Variants in LUC7L2 observed in about 807,000 individuals in gnomAD.
LUC7L2 encodes putative RNA-binding protein Luc7-like 2.
Under a neutral mutation model 52.8 loss-of-function variants are expected in LUC7L2, and 25 were observed. That is an observed-to-expected ratio of 0.47 (90% CI 0.34 to 0.66). LUC7L2 has a LOEUF of 0.66. LUC7L2 is among the 30% of genes least tolerant of loss of function. The pLI, the probability that LUC7L2 is intolerant of heterozygous loss-of-function variation, is 0.01. For synonymous variants in LUC7L2, 144 were observed against 160.9 expected (o/e 0.89, Z 0.80); for missense variants, 328 against 497.8 (o/e 0.66, Z 3.25).
chr7:139,379,712 T>C (rs943266848), intron 2 of LUC7L2, among the ~76,000 whole-genome samples: 3 of 150,468 alleles, frequency 2.0e-5, no homozygotes, highest in Admixed American at 1.3e-4. Context: ...ATTACAGGCA[T>C]GCACCACTAC....
intron 2 of LUC7L2, chr7:139,392,486 A>G: frequency 2.6e-6 from 1 of 391,358 alleles, no homozygotes; most frequent in South Asian, 1.9e-5. Context: ...AGGTATAGTT[A>G]TTTGGTCCAC....
intron 1 of LUC7L2, among the ~76,000 whole-genome samples, chr7:139,350,304 G>C (rs1472591906): frequency 6.6e-6 from 1 of 151,898 alleles, no homozygotes; most frequent in Non-Finnish European, 1.5e-5. Flanking sequence ...TGTATTTTTA[G>C]TAGAGACGGG....
At chr7:139,348,579 C>T (rs979244352) in intron 1 of LUC7L2, among the ~76,000 whole-genome samples, 4 of 150,952 alleles carry the variant, frequency 2.6e-5, no homozygotes, top group African/African-American at 7.3e-5. Flanking sequence ...ATTAGCTGGA[C>T]TTAGTGGTGT....
At chr7:139,403,997 G>A (rs1466621607) in intron 4 of LUC7L2, among the ~76,000 whole-genome samples, 1 of 152,132 alleles carries the variant, frequency 6.6e-6, no homozygotes, top group African/African-American at 2.4e-5. Flanking sequence ...ACATGGTCAA[G>A]GACATGGATA....
intron 1 of LUC7L2, among the ~76,000 whole-genome samples, chr7:139,372,243 A>G (rs954696017): frequency 8.7e-5 from 13 of 149,094 alleles, no homozygotes; most frequent in Non-Finnish European, 1.5e-4. Flanking sequence ...CATTATTTTA[A>G]TTTTTTTTTT....
intron 2 of LUC7L2, among the ~76,000 whole-genome samples, chr7:139,389,541 A>G (rs1016851560): frequency 2.0e-5 from 3 of 151,872 alleles, no homozygotes; most frequent in Admixed American, 6.6e-5. Flanking sequence ...AATTATCTTC[A>G]CTTGTCCTAG....
At chr7:139,361,526 T>C (rs1371037914) in intron 1 of LUC7L2, among the ~76,000 whole-genome samples, 1 of 152,250 alleles carries the variant, frequency 6.6e-6, no homozygotes, top group Non-Finnish European at 1.5e-5. Flanking sequence ...ACATTTTCAG[T>C]TTTAATAAAA....
At chr7:139,407,011 T>TTTG (rs1003707418) in intron 5 of LUC7L2, among the ~76,000 whole-genome samples, 163 bp from the exon 6 acceptor site, 1 of 147,792 alleles carries the variant, frequency 6.8e-6, no homozygotes, top group Non-Finnish European at 1.5e-5. Context: ...GTTTTTTTTT[T>TTTG]TTTTTTTTTT....
intron 3 of LUC7L2, 58 bp from the exon 4 acceptor site, chr7:139,402,079 G>A (rs994107497): frequency 2.0e-5 from 30 of 1,494,970 alleles, no homozygotes; most frequent in Middle Eastern, 1.8e-4. Flanking sequence ...TTTGTATGAA[G>A]ATATTTCTGA....
rs1235235672 is a variant in LUC7L2 at position 139,415,070 on chromosome 7, T to G, written c.810-2468T>G. ...CCCTGCTAAGTTTTTTTTTTTTTTT[T>G]TTTTTTTTTTTTTGTATTTTTAGTA... is the stretch of plus-strand genomic sequence containing the variant. On this transcript the variant is annotated intron_variant, in intron 8 of 9. Transcript: ENST00000354926. Among the ~76,000 whole-genome samples, 600 of 142,758 alleles carry G rather than the reference T, an allele frequency of 4.2e-3. 11 individuals carry two copies. Among genetic ancestry groups the G allele is most frequent in the Middle Eastern group, 0.011 (3 of 282 alleles). 93.7% of individuals were successfully genotyped at this position (142,758 alleles called of 152,430 possible).
chr7:139,375,477 G>A (rs1026857998), intron 1 of LUC7L2: 20 of 985,290 alleles, frequency 2.0e-5, no homozygotes, highest in Middle Eastern at 5.2e-4. Context: ...TCTTAAACGC[G>A]TTATTCTACC....
chr7:139,375,979 T>G, intron 1 of LUC7L2, 83 bp from the exon 2 acceptor site: 1 of 1,424,396 alleles, frequency 7.0e-7, no homozygotes, highest in Non-Finnish European at 9.7e-7. Context: ...TAGCCACACA[T>G]AAAAAGCTAG....
intron 4 of LUC7L2, among the ~76,000 whole-genome samples, chr7:139,404,479 A>G (rs1181905590): frequency 6.6e-6 from 1 of 152,240 alleles, no homozygotes; most frequent in Non-Finnish European, 1.5e-5. Context: ...ACTGCACTCC[A>G]GCCTGGGCGA....
At chr7:139,368,036 C>T (rs1344190925) in intron 1 of LUC7L2, among the ~76,000 whole-genome samples, 1 of 152,156 alleles carries the variant, frequency 6.6e-6, no homozygotes, top group Non-Finnish European at 1.5e-5. Flanking sequence ...AGTCTGGACA[C>T]CATGTATAAA....
intron 1 of LUC7L2, among the ~76,000 whole-genome samples, chr7:139,370,537 A>C (rs573309614): frequency 1.3e-5 from 2 of 152,304 alleles, no homozygotes; most frequent in African/African-American, 4.8e-5. Context: ...AGCTCACTGC[A>C]ACCTCCAACT....
chr7:139,345,665 G>C (rs1250720240), intron 1 of LUC7L2: 1 of 1,614,184 alleles, frequency 6.2e-7, no homozygotes, highest in Non-Finnish European at 8.5e-7. Flanking sequence ...TGGGTCTCAA[G>C]TTGCCCCATC....
chr7:139,371,565 G>T (rs1311649389), intron 1 of LUC7L2: 3 of 1,231,998 alleles, frequency 2.4e-6, no homozygotes. Context: ...GTACTGGGGG[G>T]AGGGGGCGGA....
chr7:139,350,562 T>TTCAGGACA (rs1799422018), intron 1 of LUC7L2, among the ~76,000 whole-genome samples: 1 of 152,104 alleles, frequency 6.6e-6, no homozygotes, highest in Non-Finnish European at 1.5e-5. Context: ...ACAGATGACC[T>TTCAGGACA]TCAGGACACC....
At chr7:139,369,399 AG>A (rs1419003126) in intron 1 of LUC7L2, among the ~76,000 whole-genome samples, 2 of 152,340 alleles carry the variant, frequency 1.3e-5, no homozygotes, top group East Asian at 3.9e-4. Context: ...GAAGAGGAAT[AG>A]GCTGATAGAT....
Sources: gnomAD v4.1 joint callset for allele counts (sites outside exome capture counted in the v4.1 genomes callset) on GRCh38, gnomAD v4.1.1 for gene constraint, MANE v1.5 for transcripts, NCBI Gene and HGNC (gene_info 2026-07-23, HGNC 2026-07-21) for gene names.